The following CSMD1 variants were observed in gnomAD, a reference collection of about 807,000 sequenced individuals.
CSMD1 encodes the protein CUB and sushi domain-containing protein 1.
A neutral mutation model predicts 417.5 loss-of-function variants in CSMD1; 213 were observed. The ratio of observed to expected loss-of-function variants is 0.51; its 90% CI spans 0.46 to 0.57. The LOEUF is 0.57. CSMD1 is among the 20% of genes least tolerant of loss of function. The pLI is 0.00. For synonymous variants in CSMD1, 2,862 were observed against 1,736.8 expected (o/e 1.65, Z -16.11); for missense variants, 6,923 against 4,529.7 (o/e 1.53, Z -15.17).
At chr8:3,110,944 A>G (rs944831520) in intron 42 of CSMD1, among the ~76,000 whole-genome samples, 4 of 152,230 alleles carry the variant, frequency 2.6e-5, no homozygotes, top group Non-Finnish European at 5.9e-5. Flanking sequence ...TTTTGTTAAG[A>G]AATTTATATT....
At chr8:4,468,602 T>C (rs1429374356) in intron 2 of CSMD1, among the ~76,000 whole-genome samples, 1 of 152,184 alleles carries the variant, frequency 6.6e-6, no homozygotes, top group African/African-American at 2.4e-5. Context: ...AAATGATTTT[T>C]CAAGATTCAA....
At chr8:4,533,684 T>C (rs1311856101) in intron 2 of CSMD1, among the ~76,000 whole-genome samples, 1 of 151,882 alleles carries the variant, frequency 6.6e-6, no homozygotes, top group Admixed American at 6.6e-5. Flanking sequence ...TTTAAAAACA[T>C]CATCAAAAAG....
chr8:3,220,007 T>A (rs1387627418), intron 28 of CSMD1, among the ~76,000 whole-genome samples: 1 of 152,064 alleles, frequency 6.6e-6, no homozygotes, highest in East Asian at 1.9e-4. Flanking sequence ...TAGTAGAGTG[T>A]GGTGGTGCAC....
intron 3 of CSMD1, among the ~76,000 whole-genome samples, chr8:4,382,817 T>C (rs535367501): frequency 6.6e-6 from 1 of 152,302 alleles, no homozygotes; most frequent in East Asian, 1.9e-4. Flanking sequence ...ATTAAACCAA[T>C]ATCATTACAT....
At chr8:3,661,491 T>C (rs983667180) in intron 7 of CSMD1, among the ~76,000 whole-genome samples, 1 of 147,428 alleles carries the variant, frequency 6.8e-6, no homozygotes, top group African/African-American at 2.6e-5. Flanking sequence ...ATTGCTCAAT[T>C]AAACTGATTT....
rs143728247 is a variant in CSMD1 at position 3,731,745 on chromosome 8, G to C, written c.931+22185C>G. ...CAGAATTTACAGGTAGAGAGACTAA[G>C]ATGATGAGCAATACCAATATTAATG... On this transcript the variant is annotated intron_variant, in intron 6 of 69. Coordinates refer to ENST00000635120, the MANE Select transcript of CSMD1 (RefSeq NM_033225.6). Among the ~76,000 whole-genome samples, 22 of 152,260 alleles carry C rather than the reference G, an allele frequency of 1.4e-4. No individual in the cohort carries two copies. The East Asian group carries it at 3.7e-3, about 25-fold the overall frequency.
chr8:4,736,675 G>A (rs565566925), intron 1 of CSMD1, among the ~76,000 whole-genome samples: 54 of 152,258 alleles, frequency 3.5e-4, no homozygotes, highest in Admixed American at 6.5e-4. Context: ...TAACTTTTGA[G>A]AAGATAAATC....
At chr8:4,787,426 G>A (rs779181357) in intron 1 of CSMD1, 4 of 754,178 alleles carry the variant, frequency 5.3e-6, no homozygotes, top group Non-Finnish European at 9.6e-6. Flanking sequence ...CCAAGGACAA[G>A]ATTACAGCAG....
intron 5 of CSMD1, among the ~76,000 whole-genome samples, chr8:3,856,756 G>A (rs1804343327): frequency 6.6e-6 from 1 of 152,112 alleles, no homozygotes; most frequent in Admixed American, 6.6e-5. Flanking sequence ...CTTTGCCATG[G>A]TGTCTTTGTC....
At chr8:4,187,760 T>C (rs1584985023) in intron 3 of CSMD1, among the ~76,000 whole-genome samples, 1 of 149,298 alleles carries the variant, frequency 6.7e-6, no homozygotes. Context: ...CAGAGAAATA[T>C]ATTTCACTCT....
chr8:3,549,787 A>G (rs546709959), intron 10 of CSMD1, among the ~76,000 whole-genome samples: 1 of 152,228 alleles, frequency 6.6e-6, no homozygotes, highest in East Asian at 1.9e-4. Context: ...AGCCTCCACA[A>G]CTGTAAATAA....
intron 2 of CSMD1, among the ~76,000 whole-genome samples, chr8:4,595,517 T>C (rs1365031591): frequency 6.6e-6 from 1 of 152,130 alleles, no homozygotes; most frequent in African/African-American, 2.4e-5. Flanking sequence ...TTTTGCTTCA[T>C]GCTAATGTCT....
intron 1 of CSMD1, among the ~76,000 whole-genome samples, chr8:4,807,966 T>G (rs1360198032): frequency 6.6e-6 from 1 of 152,206 alleles, no homozygotes; most frequent in African/African-American, 2.4e-5. Context: ...AGGAGTTCAC[T>G]TGGAAAAACT....
chr8:3,306,727 C>T (rs1437709707), intron 25 of CSMD1, among the ~76,000 whole-genome samples: 7 of 152,266 alleles, frequency 4.6e-5, no homozygotes, highest in African/African-American at 1.7e-4. Flanking sequence ...GTGTCCACTT[C>T]ATTTTAAACA....
chr8:4,006,860 C>G (rs1816160480), intron 4 of CSMD1, among the ~76,000 whole-genome samples: 1 of 123,272 alleles, frequency 8.1e-6, no homozygotes, highest in Non-Finnish European at 1.6e-5. Flanking sequence ...TGGAGACTCA[C>G]TCTGTTGCCC....
At chr8:3,990,231 A>G (rs1367755924) in intron 5 of CSMD1, among the ~76,000 whole-genome samples, 1 of 152,242 alleles carries the variant, frequency 6.6e-6, no homozygotes, top group Non-Finnish European at 1.5e-5. Context: ...AGTTGATGAA[A>G]TACATTTTAA....
At chr8:4,745,228 C>G (rs1226899297) in intron 1 of CSMD1, among the ~76,000 whole-genome samples, 1 of 152,102 alleles carries the variant, frequency 6.6e-6, no homozygotes, top group East Asian at 1.9e-4. Context: ...ATCCAGTTGT[C>G]TCAGCAGTTT....
intron 1 of CSMD1, among the ~76,000 whole-genome samples, chr8:4,980,594 G>T (rs752525174): frequency 5.5e-4 from 83 of 152,278 alleles, no homozygotes; most frequent in South Asian, 1.0e-3. Context: ...GAACTGGAAG[G>T]TCACTTTGAA....
chr8:4,301,868 T>G (rs755033564), intron 3 of CSMD1, among the ~76,000 whole-genome samples: 55 of 91,542 alleles, frequency 6.0e-4, no homozygotes, highest in Non-Finnish European at 1.0e-3. Context: ...CTGCCCAAGC[T>G]TCACCATAAA....
Sources: allele counts gnomAD v4.1 joint callset (sites outside exome capture counted in the v4.1 genomes callset), GRCh38; gene constraint gnomAD v4.1.1; transcripts MANE v1.5; gene names NCBI Gene and HGNC (gene_info 2026-07-23, HGNC 2026-07-21).